Variants in ZNF726 observed in about 807,000 individuals in gnomAD.
ZNF726 encodes zinc finger protein 726.
A neutral mutation model predicts 11.6 loss-of-function variants in ZNF726; 15 were observed. The ratio of observed to expected loss-of-function variants is 1.29; its 90% confidence interval spans 0.86 to 1.99. ZNF726 has a LOEUF of 1.99. Among genes scored for constraint, ZNF726 ranks in the 30% most tolerant of loss-of-function variants. The pLI is 0.00. For missense variants in ZNF726, 890 were observed against 725.6 expected (o/e 1.23, Z -2.60); for synonymous variants, 295 against 243.6 (o/e 1.21, Z -1.96).
Position 23,932,853 on chromosome 19 carries a change from C to T in ZNF726, c.737C>T (p.Thr246Ile). ...TTTAATCAATCCTCAAATTATACTA[C>T]ACATAAGGTAACTCATACTGGAGAG... is the stretch of plus-strand genomic sequence containing the variant. ...KAFNQSSNYT[T>I]HKVTHTGEKP... The change falls in exon 4 of 4, where the codon ACA (threonine) becomes ATA (isoleucine). Residue 246 changes from threonine to isoleucine, a missense_variant. Coordinates refer to ENST00000594466, the MANE Select transcript of ZNF726 (RefSeq NM_001244038.2). 3 of 1,607,264 alleles carry T rather than the reference C, an allele frequency of 1.9e-6. No homozygotes were observed. Among genetic ancestry groups the T allele is most frequent in the Non-Finnish European group, 2.5e-6 (3 of 1,177,022 alleles).
At chr19:23,923,565 C>T (rs753253231) in intron 3 of ZNF726, 74 of 179,894 alleles carry the variant, frequency 4.1e-4, no homozygotes, top group Admixed American at 1.4e-3. Flanking sequence ...GTGCCGACAC[C>T]GCGCTTGGCT....
In ZNF726 at chr19:23,932,736, GAAAA is replaced by G. The variant is rs752606160; in HGVS notation, c.622_625del (p.Lys208ProfsTer41). 1.2e-6 allele frequency: 2 copies of G among 1,611,406 alleles called. No homozygotes were observed. Among genetic ancestry groups the G allele is most frequent in the Non-Finnish European group, 1.7e-6 (2 of 1,179,370 alleles). ...AAGTCCTACAAATGTAAAGAATGTG[GAAAA>G]ACCTTTAATTGGTCCTCAACCCTTA... is the stretch of plus-strand genomic sequence containing the variant. On this transcript the variant is annotated frameshift_variant, in exon 4 of 4. Transcript: ENST00000594466. LOFTEE classifies it low-confidence loss of function (END_TRUNC).
At position 23,919,401 on chromosome 19, in the gene ZNF726, T is replaced by C. The variant is rs1259578258; in HGVS notation, c.32T>C (p.Ile11Thr). The change falls in exon 2 of 4, where the codon ATA becomes ACA. Residue 11 changes from isoleucine to threonine, a missense_variant. Ile to Thr is a moderately conservative substitution (Grantham distance 89, BLOSUM62 -1). Coordinates refer to ENST00000594466, the MANE Select transcript of ZNF726 (RefSeq NM_001244038.2). ...CTGTTGACATTTAGGGATGTGGCCA[T>C]AGAATTCTCTCTGGAGGAGTGGCAG... MGLLTFRDVA[I>T]EFSLEEWQCL... 1.2e-6 allele frequency: 2 copies of C among 1,607,454 alleles called. No individual in the cohort carries two copies. Among genetic ancestry groups the C allele is most frequent in the Admixed American group, 3.3e-5 (2 of 59,810 alleles).
At chr19:23,941,167 T>G (rs1291236282) in intron 3 of ZNF726, among the ~76,000 whole-genome samples, 1 of 152,234 alleles carries the variant, frequency 6.6e-6, no homozygotes, top group Non-Finnish European at 1.5e-5. Flanking sequence ...ATGCCAACTT[T>G]GCTGAGAGTT....
chr19:23,928,496 A>G (rs553820819), intron 3 of ZNF726: 1 of 152,266 alleles, frequency 6.6e-6, no homozygotes, highest in African/African-American at 2.4e-5. Flanking sequence ...ATACACATAC[A>G]GATAGATAGA....
intron 1 of ZNF726, among the ~76,000 whole-genome samples, chr19:23,916,418 C>T (rs529885444): frequency 7.2e-5 from 11 of 152,130 alleles, no homozygotes; most frequent in Admixed American, 2.6e-4. Flanking sequence ...CTGCAGCCTC[C>T]GCCTCCTGGG....
rs1033601609 is a variant in ZNF726, at chr19:23,942,693, G to C, written c.227-801G>C. 2.0e-5 allele frequency among the ~76,000 whole-genome samples: 3 copies of C among 152,242 alleles called. No individual in the cohort carries two copies. In the East Asian group the frequency reaches 5.8e-4, roughly 29 times the overall value. On this transcript the variant is annotated intron_variant, in intron 3 of 4. Transcript: ENST00000334589. ...TTGTGATGTTTCCCTGTTGGATCAGGCCACTTACGATTATATAGTGTCCAT... is the reference window on the plus strand; with the variant it reads ...TTGTGATGTTTCCCTGTTGGATCAGCCCACTTACGATTATATAGTGTCCAT...
chr19:23,921,087 C>T (rs118190828), intron 3 of ZNF726: 4,389 of 152,098 alleles, frequency 0.029, 102 homozygotes, highest in South Asian at 0.063. Context: ...CACGAGGTCA[C>T]GAATTTGAGA....
downstream of ZNF726, among the ~76,000 whole-genome samples, chr19:23,935,050 T>C (rs1403190193): frequency 6.6e-6 from 1 of 152,116 alleles, no homozygotes; most frequent in Non-Finnish European, 1.5e-5. Context: ...ACTATAGAAG[T>C]CTCAGAATCA....
At chr19:23,935,448 G>A (rs1196048670), downstream of ZNF726, 1 of 514,966 alleles carries the variant, frequency 1.9e-6, no homozygotes, top group Non-Finnish European at 3.9e-6. Context: ...AACTCATATT[G>A]GAGAGAAATC....
At chr19:23,924,078 C>T (rs1392656745) in intron 3 of ZNF726, among the ~76,000 whole-genome samples, 3 of 146,604 alleles carry the variant, frequency 2.0e-5, no homozygotes, top group African/African-American at 7.6e-5. Context: ...AAGTTTTACT[C>T]TTGTTGCCGA....
chr19:23,920,421 A>AT (rs962192119), intron 3 of ZNF726: 24 of 168,526 alleles, frequency 1.4e-4, no homozygotes, highest in South Asian at 2.7e-4. Context: ...CTATGTTAAA[A>AT]TTTTTTTTTG....
chr19:23,916,705 TAAAGC>T (rs900606207), intron 1 of ZNF726, among the ~76,000 whole-genome samples: 59 of 152,316 alleles, frequency 3.9e-4, no homozygotes, highest in Non-Finnish European at 8.8e-5. Context: ...CCTACGAGAA[TAAAGC>T]AAAGAATAAT....
intron 3 of ZNF726, chr19:23,920,324 G>C (rs777116570): frequency 1.7e-4 from 45 of 270,434 alleles, no homozygotes; most frequent in Non-Finnish European, 3.0e-4. Flanking sequence ...CCAAAGTACT[G>C]TTCATGGCAT....
chr19:23,927,618 A>G (rs1012599224), intron 3 of ZNF726, among the ~76,000 whole-genome samples: 2 of 152,142 alleles, frequency 1.3e-5, no homozygotes, highest in Non-Finnish European at 2.9e-5. Flanking sequence ...CAGTGTCTCC[A>G]GTAGTTGGGA....
chr19:23,943,013 GT>G (rs1464884109), intron 3 of ZNF726, among the ~76,000 whole-genome samples: 1 of 150,800 alleles, frequency 6.6e-6, no homozygotes, highest in Non-Finnish European at 1.5e-5. Flanking sequence ...ATACTTTGGT[GT>G]TTTTTTTTGG....
At chr19:23,919,524 T>G (rs748794478) in intron 2 of ZNF726, 25 bp downstream of exon 2, 11 of 1,557,322 alleles carry the variant, frequency 7.1e-6, no homozygotes, top group Non-Finnish European at 9.5e-6. Flanking sequence ...AATACAAAAT[T>G]TTTAATATAA....
Position 23,934,087 on chromosome 19 carries a change from T to G in ZNF726, c.*120T>G. On this transcript the variant is annotated 3_prime_UTR_variant, in exon 4 of 4. Coordinates refer to ENST00000594466, the MANE Select transcript of ZNF726 (RefSeq NM_001244038.2). ...AATGTGAAGAATGTGAAAAAGCTTT[T>G]AATCCTCAAATCTTACTAAACATTA... 6.2e-6 allele frequency: 8 copies of G among 1,289,836 alleles called. No individual in the cohort carries two copies. Among genetic ancestry groups the G allele is most frequent in the Non-Finnish European group, 8.9e-6 (8 of 896,024 alleles). 79.9% of individuals were successfully genotyped at this position (1,289,836 alleles called of 1,614,324 possible). A position where few individuals can be genotyped will look rare whatever the true frequency, so the allele number is the denominator to read the frequency against.
chr19:23,943,571 A>G, exon 4 of ZNF726: 2 of 664,640 alleles, frequency 3.0e-6, no homozygotes, highest in African/African-American at 1.8e-5. Context: ...GAGACATGAG[A>G]CAGTAGTCAA....
Sources: gnomAD v4.1 joint callset for allele counts (sites outside exome capture counted in the v4.1 genomes callset) on GRCh38, gnomAD v4.1.1 for gene constraint, MANE v1.5 for transcripts, NCBI Gene and HGNC (gene_info 2026-07-23, HGNC 2026-07-21) for gene names.